CTNNA2: variants seen among roughly 807,000 people sequenced by gnomAD.
CTNNA2 encodes catenin alpha-2.
Under a neutral mutation model 101.0 loss-of-function variants are expected in CTNNA2, and 42 were observed. The ratio of observed to expected loss-of-function variants is 0.42; its 90% CI spans 0.32 to 0.54. The LOEUF (loss-of-function observed/expected upper bound fraction) is 0.54. Ranked by LOEUF, CTNNA2 falls within the 20% of genes least tolerant of loss-of-function variation. The probability of loss-of-function intolerance (pLI) is 0.14; values close to 1 mark genes in which losing one functional copy is unlikely to be tolerated. For synonymous variants in CTNNA2, 450 were observed against 456.4 expected (o/e 0.99, Z 0.18); for missense variants, 871 against 1,223.1 (o/e 0.71, Z 4.29).
At chr2:80,043,129 CCTTCCTTCCTTCCTTCCTTCCT>C (rs1696267654) in intron 7 of CTNNA2, among the ~76,000 whole-genome samples, 3 of 37,250 alleles carry the variant, frequency 8.1e-5, no homozygotes, top group African/African-American at 5.6e-4. Flanking sequence ...CTCCTTCCTT[CCTTCCTTCCTTCCTTCCTTCCT>C]TCCTTCCTTC....
intron 1 of CTNNA2, among the ~76,000 whole-genome samples, chr2:79,646,068 G>A (rs958331592): frequency 2.6e-5 from 4 of 152,182 alleles, no homozygotes; most frequent in African/African-American, 9.7e-5. Flanking sequence ...GGTCCCCTTG[G>A]CAACTGGAAA....
intron 2 of CTNNA2, among the ~76,000 whole-genome samples, chr2:79,738,553 T>C (rs1368419301): frequency 2.0e-5 from 3 of 152,118 alleles, no homozygotes; most frequent in African/African-American, 7.2e-5. Flanking sequence ...ATAAGTGAGT[T>C]TGGTGGACGG....
chr2:80,620,741 C>T (rs1671038379), intron 18 of CTNNA2, among the ~76,000 whole-genome samples: 1 of 151,944 alleles, frequency 6.6e-6, no homozygotes. Flanking sequence ...ACAGAAAAAT[C>T]TGATGTCTAA....
chr2:79,622,069 C>G (rs1005860200), intron 1 of CTNNA2, among the ~76,000 whole-genome samples: 4 of 152,134 alleles, frequency 2.6e-5, no homozygotes, highest in Non-Finnish European at 5.9e-5. Flanking sequence ...GGACATTAGA[C>G]AAAAACTGAG....
chr2:79,807,895 T>C (rs918715733), intron 3 of CTNNA2, among the ~76,000 whole-genome samples: 2 of 152,160 alleles, frequency 1.3e-5, no homozygotes, highest in African/African-American at 2.4e-5. Flanking sequence ...ATGAAACTTC[T>C]TACTTTGATA....
chr2:79,508,321 G>A (rs116764607), upstream of CTNNA2, among the ~76,000 whole-genome samples: 702 of 152,186 alleles, frequency 4.6e-3, 2 homozygotes, highest in African/African-American at 0.016. Flanking sequence ...AATTAAGACT[G>A]AAACTATTCT....
At chr2:79,276,231 T>C (rs745334324) in intron 2 of CTNNA2, among the ~76,000 whole-genome samples, 4 of 152,112 alleles carry the variant, frequency 2.6e-5, no homozygotes, top group Non-Finnish European at 5.9e-5. Flanking sequence ...TTTGTAATTA[T>C]TACGCATAAG....
intron 4 of CTNNA2, among the ~76,000 whole-genome samples, chr2:79,496,756 T>C (rs969068069): frequency 6.6e-6 from 1 of 151,888 alleles, no homozygotes; most frequent in African/African-American, 2.4e-5. Flanking sequence ...CTTTGAACTA[T>C]ACATAGAAGG....
intron 2 of CTNNA2, among the ~76,000 whole-genome samples, chr2:79,232,355 C>G (rs1674503498): frequency 6.6e-6 from 1 of 151,940 alleles, no homozygotes; most frequent in African/African-American, 2.4e-5. Flanking sequence ...TGTGGTGAAT[C>G]ACATTTATTG....
chr2:80,380,088 G>C (rs1459948663), intron 7 of CTNNA2, among the ~76,000 whole-genome samples: 1 of 143,136 alleles, frequency 7.0e-6, no homozygotes, highest in Non-Finnish European at 1.5e-5. Flanking sequence ...CCAGGCTGGA[G>C]TGCAGTGGCA....
chr2:79,687,631 T>A (rs1684023928), intron 2 of CTNNA2: 1 of 681,280 alleles, frequency 1.5e-6, no homozygotes, highest in Non-Finnish European at 2.7e-6. Context: ...ACTGTCATCT[T>A]GAAAAAGGAT....
At chr2:80,318,707 T>C (rs1482505051) in intron 7 of CTNNA2, among the ~76,000 whole-genome samples, 1 of 152,214 alleles carries the variant, frequency 6.6e-6, no homozygotes, top group Non-Finnish European at 1.5e-5. Flanking sequence ...CCCTGGCTTA[T>C]AGACTGAGAC....
At chr2:80,089,596 A>C (rs955665511) in intron 7 of CTNNA2, among the ~76,000 whole-genome samples, 4 of 152,058 alleles carry the variant, frequency 2.6e-5, no homozygotes, top group African/African-American at 7.2e-5. Flanking sequence ...AAAATGCAAA[A>C]AAAATTAGTA....
chr2:80,104,883 T>C (rs979694065), intron 7 of CTNNA2, among the ~76,000 whole-genome samples: 1 of 152,204 alleles, frequency 6.6e-6, no homozygotes, highest in Non-Finnish European at 1.5e-5. Flanking sequence ...TAAATGTACA[T>C]TGTACAGGAG....
intron 7 of CTNNA2, among the ~76,000 whole-genome samples, chr2:80,231,615 C>T (rs1172244873): frequency 6.6e-6 from 1 of 152,140 alleles, no homozygotes; most frequent in Non-Finnish European, 1.5e-5. Flanking sequence ...GGAGGTTAGA[C>T]ACAATTGACC....
intron 1 of CTNNA2, among the ~76,000 whole-genome samples, chr2:79,524,939 A>G (rs1672321861): frequency 2.0e-5 from 3 of 151,212 alleles, no homozygotes; most frequent in South Asian, 2.1e-4. Context: ...ATTCAAAGGC[A>G]CGGGCCATGT....
At chr2:80,097,318 A>T (rs1467331361) in intron 7 of CTNNA2, among the ~76,000 whole-genome samples, 1 of 152,190 alleles carries the variant, frequency 6.6e-6, no homozygotes, top group Non-Finnish European at 1.5e-5. Context: ...TTCTTTAAGA[A>T]TGTTGAATGT....
intron 7 of CTNNA2, among the ~76,000 whole-genome samples, chr2:80,117,455 AGTGTGTGTGTGTGTGT>A (rs59521287): frequency 6.9e-6 from 1 of 145,882 alleles, no homozygotes; most frequent in African/African-American, 2.6e-5. Flanking sequence ...TTCCTGTGTG[AGTGTGTGTGTGTGTGT>A]GTGTGTGTGT....
At chr2:79,632,053 A>G (rs1188303393) in intron 1 of CTNNA2, among the ~76,000 whole-genome samples, 3 of 152,220 alleles carry the variant, frequency 2.0e-5, no homozygotes, top group Admixed American at 6.5e-5. Context: ...CTTGATTGTG[A>G]AACAGTCGCA....
Sources: gnomAD v4.1 joint callset for allele counts (sites outside exome capture counted in the v4.1 genomes callset) on GRCh38, gnomAD v4.1.1 for gene constraint, MANE v1.5 for transcripts, NCBI Gene and HGNC (gene_info 2026-07-23, HGNC 2026-07-21) for gene names.